The following TMEM132B variants were observed in gnomAD, a reference collection of about 807,000 sequenced individuals.
TMEM132B encodes the protein transmembrane protein 132B.
In TMEM132B, 18 loss-of-function variants were observed where a neutral mutation model predicts 90.8. The ratio of observed to expected loss-of-function variants is 0.20; its 90% CI spans 0.14 to 0.29. The LOEUF (loss-of-function observed/expected upper bound fraction) is 0.29, where lower values mean the gene tolerates loss of function less well. Among genes scored for constraint, TMEM132B ranks in the 10% least tolerant of loss-of-function variants. TMEM132B has a pLI of 1.00. For synonymous variants in TMEM132B, 504 were observed against 523.3 expected, an observed-to-expected ratio of 0.96 and a Z score of 0.50; for missense variants, 1,096 against 1,326.8, an observed-to-expected ratio of 0.83 and a Z score of 2.70.
chr12:125,505,439 C>T (rs1046826397), intron 3 of TMEM132B, among the ~76,000 whole-genome samples: 3 of 152,066 alleles, frequency 2.0e-5, no homozygotes, highest in African/African-American at 7.2e-5. Context: ...GGGCTCTTGC[C>T]TGTAATCCCA....
intron 1 of TMEM132B, among the ~76,000 whole-genome samples, chr12:125,263,449 A>T (rs7965366): frequency 9.2e-5 from 14 of 152,206 alleles, no homozygotes; most frequent in Non-Finnish European, 2.1e-4. Context: ...AAGCTCTGAC[A>T]TGTAAAGTCC....
At chr12:125,651,089 GC>G in intron 7 of TMEM132B, 136 bp downstream of exon 7, 2 of 1,217,158 alleles carry the variant, frequency 1.6e-6, no homozygotes, top group Non-Finnish European at 2.3e-6. Context: ...TGCATGTATT[GC>G]CTCTGTTTGT....
At chr12:125,206,591 G>A (rs906785881) in intron 1 of TMEM132B, among the ~76,000 whole-genome samples, 4 of 152,106 alleles carry the variant, frequency 2.6e-5, no homozygotes, top group Admixed American at 6.5e-5. Context: ...TGGACAGCGT[G>A]CTTGGTGTGG....
chr12:125,524,396 C>T (rs527623396), intron 4 of TMEM132B, among the ~76,000 whole-genome samples: 10 of 152,232 alleles, frequency 6.6e-5, no homozygotes, highest in South Asian at 2.1e-4. Flanking sequence ...TGATTACCTT[C>T]GAGGTAGGTG....
intron 1 of TMEM132B, among the ~76,000 whole-genome samples, chr12:125,191,856 C>T (rs1872802890): frequency 6.6e-6 from 1 of 152,140 alleles, no homozygotes; most frequent in Non-Finnish European, 1.5e-5. Flanking sequence ...CTCAGTTTTC[C>T]CATCTGTAAA....
intron 4 of TMEM132B, among the ~76,000 whole-genome samples, chr12:125,572,253 G>A (rs928677201): frequency 2.0e-5 from 3 of 152,204 alleles, no homozygotes; most frequent in Admixed American, 1.3e-4. Context: ...AAATCCATGC[G>A]TTGGAAACTT....
chr12:125,280,409 C>T (rs1169212786), intron 1 of TMEM132B, among the ~76,000 whole-genome samples: 1 of 152,234 alleles, frequency 6.6e-6, no homozygotes, highest in African/African-American at 2.4e-5. Flanking sequence ...CTTAATTGGT[C>T]TTCGCCTTTT....
At chr12:125,597,627 T>C (rs1717833885) in intron 5 of TMEM132B, among the ~76,000 whole-genome samples, 1 of 152,150 alleles carries the variant, frequency 6.6e-6, no homozygotes, top group Admixed American at 6.5e-5. Flanking sequence ...TTTAAAGAAA[T>C]CACTCAATGA....
chr12:125,194,371 C>T (rs1475137400), intron 1 of TMEM132B, among the ~76,000 whole-genome samples: 2 of 152,112 alleles, frequency 1.3e-5, no homozygotes, highest in Non-Finnish European at 2.9e-5. Flanking sequence ...GCTTTGTGTC[C>T]TGAATGCCTC....
chr12:125,586,082 T>G (rs1214413282), intron 5 of TMEM132B: 1 of 152,192 alleles, frequency 6.6e-6, no homozygotes, highest in African/African-American at 2.4e-5. Context: ...AGGGACATCC[T>G]CAAATACATG....
At chr12:125,255,268 T>G (rs1312936538) in intron 1 of TMEM132B, among the ~76,000 whole-genome samples, 1 of 151,902 alleles carries the variant, frequency 6.6e-6, no homozygotes, top group East Asian at 1.9e-4. Flanking sequence ...CCTCTCTCTC[T>G]CTTTCTCTTT....
intron 2 of TMEM132B, among the ~76,000 whole-genome samples, chr12:125,367,968 T>TTTAATTAATCTATTGG (rs1878182582): frequency 6.6e-6 from 1 of 152,192 alleles, no homozygotes; most frequent in African/African-American, 2.4e-5. Flanking sequence ...AGTATTTGAT[T>TTTAATTAATCTATTGG]TTAATTAATC....
At chr12:125,361,989 CA>C (rs11362168) in intron 2 of TMEM132B, among the ~76,000 whole-genome samples, 1,890 of 152,312 alleles carry the variant, frequency 0.012, 44 homozygotes, top group African/African-American at 0.042. Flanking sequence ...TGTACCAAGC[CA>C]CACTTAGATA....
intron 1 of TMEM132B, among the ~76,000 whole-genome samples, chr12:125,334,369 C>T (rs1876886360): frequency 6.9e-6 from 1 of 145,412 alleles, no homozygotes; most frequent in African/African-American, 2.7e-5. Flanking sequence ...CAGACCTCTC[C>T]CTTCGCCTCC....
chr12:125,343,109 C>T (rs1348653703), intron 1 of TMEM132B, among the ~76,000 whole-genome samples: 1 of 152,170 alleles, frequency 6.6e-6, no homozygotes, highest in Non-Finnish European at 1.5e-5. Flanking sequence ...AGCATCACCC[C>T]ACCACAGCTG....
chr12:125,405,109 G>A (rs757023377), intron 2 of TMEM132B, among the ~76,000 whole-genome samples: 9 of 152,196 alleles, frequency 5.9e-5, no homozygotes, highest in South Asian at 2.1e-4. Context: ...CCACAAACGC[G>A]ATAGTGTAAA....
chr12:125,200,122 A>G (rs1873021305), intron 1 of TMEM132B, among the ~76,000 whole-genome samples: 1 of 152,198 alleles, frequency 6.6e-6, no homozygotes, highest in Non-Finnish European at 1.5e-5. Flanking sequence ...ACTTGTCTTA[A>G]TAGAGTTCGT....
intron 5 of TMEM132B, among the ~76,000 whole-genome samples, chr12:125,621,829 C>T (rs1417863812): frequency 6.6e-6 from 1 of 152,200 alleles, no homozygotes; most frequent in Non-Finnish European, 1.5e-5. Context: ...TTTCCTCTGG[C>T]ATCATGCTAT....
Position 125,653,828 on chromosome 12 carries a change from C to A in TMEM132B, c.2370C>A (p.Val790=). Residue 790 remains valine (V), a synonymous_variant, in exon 9 of 9, where the codon GTC becomes GTA. Coordinates refer to ENST00000682704, the MANE Select transcript of TMEM132B (RefSeq NM_001366854.1). ...KSVLAVGKGN[V]KVKFEPSSDE... is the part of the protein sequence containing the mutation. ...TTCTTGCCGTGGGTAAAGGAAATGT[C>A]AAGGTCAAATTCGAACCAAGTAGTG... The A allele has an allele frequency of 6.2e-7, 1 of 1,614,120 alleles. No individual in the cohort carries two copies. The highest frequency in any genetic ancestry group is 8.5e-7 in the Non-Finnish European group (1 of 1,180,024).
Sources: allele counts gnomAD v4.1 joint callset (sites outside exome capture counted in the v4.1 genomes callset), GRCh38; gene constraint gnomAD v4.1.1; transcripts MANE v1.5; gene names NCBI Gene and HGNC (gene_info 2026-07-23, HGNC 2026-07-21).